Variants in ST3GAL2 observed in about 807,000 individuals in gnomAD.
The protein encoded by ST3GAL2 is ST3 beta-galactoside alpha-2,3-sialyltransferase 2, also known as CMP-N-acetylneuraminate-beta-galactosamide-alpha-2,3-sialyltransferase 2.
Under a neutral mutation model 37.5 loss-of-function variants are expected in ST3GAL2, and 16 were observed. That is an observed-to-expected ratio of 0.43 (90% CI 0.29 to 0.65). ST3GAL2 has a LOEUF of 0.65. ST3GAL2 is among the 30% of genes least tolerant of loss of function. The pLI is 0.17. For synonymous variants in ST3GAL2, 238 were observed against 202.9 expected (o/e 1.17, Z -1.47); for missense variants, 383 against 487.8 (o/e 0.79, Z 2.02).
At chr16:70,387,716 G>C (rs1486162715) in intron 4 of ST3GAL2, among the ~76,000 whole-genome samples, 3 of 152,138 alleles carry the variant, frequency 2.0e-5, no homozygotes, top group African/African-American at 7.2e-5. Flanking sequence ...TGGTGAACTA[G>C]ATTTCCCATG....
chr16:70,398,158 G>C, intron 2 of ST3GAL2, 34 bp downstream of exon 2: 2 of 1,597,470 alleles, frequency 1.3e-6, no homozygotes, highest in Non-Finnish European at 1.7e-6. Context: ...TAAAACTGGG[G>C]GACAGATCCC....
Position 70,421,198 on chromosome 16 carries a change from C to T in ST3GAL2, c.-1004+17751G>A, listed in dbSNP as rs1366252214. The stretch of plus-strand genomic sequence containing the variant: ...TCCAGCTGAGCAGTCTTCCTCTTTC[C>T]TGAGGAGCCGATGACATGCTGTGAC... On this transcript the variant is annotated intron_variant, in intron 1 of 6. Coordinates refer to ENST00000342907, the MANE Select transcript of ST3GAL2 (RefSeq NM_006927.4). 2.6e-5 allele frequency among the ~76,000 whole-genome samples: 4 copies of T among 152,374 alleles called. No homozygotes were observed. In the East Asian group the frequency reaches 7.7e-4, roughly 29 times the overall value.
At chr16:70,385,102 G>C (rs1019790941) in intron 4 of ST3GAL2, among the ~76,000 whole-genome samples, 3 of 151,844 alleles carry the variant, frequency 2.0e-5, no homozygotes, top group African/African-American at 4.8e-5. Context: ...TCAGGAGATC[G>C]AGACCATCCT....
At chr16:70,389,987 C>T (rs1271048918) in intron 3 of ST3GAL2, among the ~76,000 whole-genome samples, 2 of 151,728 alleles carry the variant, frequency 1.3e-5, no homozygotes, top group Admixed American at 6.6e-5. Context: ...AGGGTTTCAC[C>T]GTGTTAGCCA....
intron 1 of ST3GAL2, among the ~76,000 whole-genome samples, chr16:70,404,846 A>G (rs1048318516): frequency 4.6e-5 from 7 of 152,142 alleles, no homozygotes; most frequent in African/African-American, 1.7e-4. Context: ...CATCTGGCCA[A>G]CTTGGTGAAA....
At chr16:70,388,968 G>A (rs2047462133) in intron 3 of ST3GAL2, among the ~76,000 whole-genome samples, 1 of 149,712 alleles carries the variant, frequency 6.7e-6, no homozygotes, top group South Asian at 2.1e-4. Flanking sequence ...CCAGCAACCT[G>A]GGAGACTGAG....
rs1198870594 is a variant in ST3GAL2 at position 70,378,230 on chromosome 16, T to C, written c.*3459A>G. On this transcript the variant is annotated 3_prime_UTR_variant, in exon 7 of 7. Coordinates refer to ENST00000342907, the MANE Select transcript of ST3GAL2 (RefSeq NM_006927.4). The stretch of plus-strand genomic sequence containing the variant: ...GAGTTCGAGACCAGCCTGGCCAACA[T>C]GGTGAAACCCCGTCTCTACTAAAAA... The C allele has an allele frequency of 4.6e-5, 7 of 151,824 alleles. No individual in the cohort carries two copies. The allele number at this position is 151,824 out of a possible 1,614,324, so 9.4% of individuals were successfully genotyped here.
intron 1 of ST3GAL2, among the ~76,000 whole-genome samples, chr16:70,424,444 A>C (rs1016818511): frequency 6.6e-6 from 1 of 151,458 alleles, no homozygotes; most frequent in Non-Finnish European, 1.5e-5. Context: ...TCTACTAAAA[A>C]TACAAAATTA....
At chr16:70,406,083 TTGTA>T (rs201352377) in intron 1 of ST3GAL2, among the ~76,000 whole-genome samples, 1,856 of 149,918 alleles carry the variant, frequency 0.012, 30 homozygotes, top group African/African-American at 0.043. Flanking sequence ...AGCCACTGAC[TTGTA>T]TGTTTCAAAG....
Position 70,377,538 on chromosome 16 carries a change from C to A in ST3GAL2, c.*4151G>T, listed in dbSNP as rs2047358630. 1 of 147,136 alleles carries A rather than the reference C, an allele frequency of 6.8e-6. No individual in the cohort carries two copies. The highest frequency in any genetic ancestry group is 2.2e-4 in the South Asian group (1 of 4,648). 9.1% of individuals were successfully genotyped at this position (147,136 alleles called of 1,614,324 possible). A position where few individuals can be genotyped will look rare whatever the true frequency, so the allele number is the denominator to read the frequency against. On this transcript the variant is annotated 3_prime_UTR_variant, in exon 7 of 7. Coordinates refer to ENST00000342907, the MANE Select transcript of ST3GAL2 (RefSeq NM_006927.4). ...CGTGACAAAGGGGTTAAATAAGCAA[C>A]CAGAGGCCGGGCACGGTGGCTCACA... is the stretch of plus-strand genomic sequence containing the variant.
At chr16:70,387,671 A>G (rs1340777995) in intron 4 of ST3GAL2, among the ~76,000 whole-genome samples, 1 of 152,202 alleles carries the variant, frequency 6.6e-6, no homozygotes, top group Non-Finnish European at 1.5e-5. Flanking sequence ...ATGGGATATG[A>G]ATCATATCTT....
At chr16:70,389,739 C>T (rs2047469835) in intron 3 of ST3GAL2, among the ~76,000 whole-genome samples, 2 of 152,142 alleles carry the variant, frequency 1.3e-5, no homozygotes, top group Non-Finnish European at 2.9e-5. Context: ...GCTGGGATTA[C>T]AGGCGTGAGC....
intron 1 of ST3GAL2, among the ~76,000 whole-genome samples, chr16:70,403,976 CAG>C (rs2047572671): frequency 1.3e-5 from 2 of 151,486 alleles, no homozygotes; most frequent in Non-Finnish European, 1.5e-5. Flanking sequence ...GGATGGGTGA[CAG>C]AGTGATACCA....
chr16:70,403,415 C>T (rs1047319802), intron 1 of ST3GAL2, among the ~76,000 whole-genome samples: 10 of 152,206 alleles, frequency 6.6e-5, no homozygotes, highest in Non-Finnish European at 1.3e-4. Context: ...GCTGTGGTGG[C>T]TCATGTCTGT....
intron 1 of ST3GAL2, among the ~76,000 whole-genome samples, chr16:70,415,986 G>T (rs970138598): frequency 6.6e-6 from 1 of 150,862 alleles, no homozygotes; most frequent in Non-Finnish European, 1.5e-5. Context: ...ATGTTGCCTA[G>T]GCTGGTCTTC....
In ST3GAL2 at chr16:70,381,845, G is replaced by C. The variant is rs750947767; in HGVS notation, c.897C>G (p.Phe299Leu). The C allele has an allele frequency of 6.2e-7, 1 of 1,613,864 alleles. No individual in the cohort carries two copies. ...HVCDEVNVYG[F>L]GADSRGNWHH... ...GCCAGTTGCCCCGGCTGTCGGCCCCGAACCCGTACACGTTCACCTGCGGGG... is the reference window on the plus strand; with the variant it reads ...GCCAGTTGCCCCGGCTGTCGGCCCCCAACCCGTACACGTTCACCTGCGGGG... The change falls in exon 7 of 7, where the codon TTC becomes TTG. Residue 299 changes from phenylalanine to leucine, a missense_variant. By Grantham distance (22) the Phe-to-Leu change is conservative. Coordinates refer to ENST00000342907, the MANE Select transcript of ST3GAL2 (RefSeq NM_006927.4).
At chr16:70,408,890 C>CAAACAAAAAAAAAAAAAAAAAAAAAAA (rs2047613068) in intron 1 of ST3GAL2, among the ~76,000 whole-genome samples, 1 of 59,854 alleles carries the variant, frequency 1.7e-5, no homozygotes, top group Non-Finnish European at 3.5e-5. Context: ...CTCAAAGAAA[C>CAAACAAAAAAAAAAAAAAAAAAAAAAA]AAAAAAAAAA....
intron 1 of ST3GAL2, 58 bp from the exon 2 acceptor site, chr16:70,399,591 G>A: frequency 2.5e-6 from 1 of 396,780 alleles, no homozygotes. Flanking sequence ...ACCAGGCTTT[G>A]TCCCAGCCCC....
chr16:70,423,780 G>A (rs2047731917), intron 1 of ST3GAL2, among the ~76,000 whole-genome samples: 3 of 150,186 alleles, frequency 2.0e-5, no homozygotes, highest in African/African-American at 7.4e-5. Context: ...GGGTTAAAGC[G>A]ATTCTCCTGG....
Sources: allele counts gnomAD v4.1 joint callset (sites outside exome capture counted in the v4.1 genomes callset), GRCh38; gene constraint gnomAD v4.1.1; transcripts MANE v1.5; gene names NCBI Gene and HGNC (gene_info 2026-07-23, HGNC 2026-07-21).